The following VPS13B variants were observed in gnomAD, a reference collection of about 807,000 sequenced individuals.
The protein encoded by VPS13B is vacuolar protein sorting 13 homolog B.
VPS13B carries 285 observed loss-of-function variants against 426.4 expected under a neutral mutation model. The observed-to-expected ratio is 0.67, with a 90% CI of 0.61 to 0.74. The LOEUF is 0.74. Among genes scored for constraint, VPS13B ranks in the 30% least tolerant of loss-of-function variants. The probability of loss-of-function intolerance (pLI) is 0.00; values close to 1 mark genes in which losing one functional copy is unlikely to be tolerated. For missense variants in VPS13B, 4,537 were observed against 4,782.6 expected, an observed-to-expected ratio of 0.95 and a Z score of 1.51; for synonymous variants, 1,676 against 1,676.4, an observed-to-expected ratio of 1.00 and a Z score of 0.01.
intron 8 of VPS13B, among the ~76,000 whole-genome samples, chr8:99,127,284 T>C (rs1302427797): frequency 1.3e-5 from 2 of 152,146 alleles, no homozygotes; most frequent in Non-Finnish European, 2.9e-5. Context: ...CATCATGATA[T>C]AGATGCTGAT....
chr8:99,013,415 G>T, intron 1 of VPS13B, 68 bp downstream of exon 1: 1 of 348,992 alleles, frequency 2.9e-6, no homozygotes, highest in Non-Finnish European at 5.5e-6. Flanking sequence ...TGGTTCTATG[G>T]TGGCAGATCC....
chr8:99,507,641 C>T, intron 28 of VPS13B: 1 of 1,399,068 alleles, frequency 7.1e-7, no homozygotes, highest in Non-Finnish European at 9.9e-7. Context: ...GAGGCCATAC[C>T]TAGCGGTTGC....
chr8:99,463,695 A>T (rs980112711), intron 23 of VPS13B, among the ~76,000 whole-genome samples: 1 of 152,004 alleles, frequency 6.6e-6, no homozygotes. Flanking sequence ...TTAACTGTCT[A>T]TTTTATTTTA....
chr8:99,871,172 T>C (rs972290376), intron 60 of VPS13B: 1 of 604,686 alleles, frequency 1.7e-6, no homozygotes, highest in African/African-American at 1.9e-5. Flanking sequence ...AGATTCCCTG[T>C]GGAACCAGCA....
chr8:99,431,541 C>T lies in VPS13B; in HGVS notation c.3087C>T (p.Ser1029=). ...ATTAGCTATTCTCGTACTCAGAATCCCGCCCATTGTCAGTTCCTGTTAAAG... is the reference window on the plus strand; with the variant it reads ...ATTAGCTATTCTCGTACTCAGAATCTCGCCCATTGTCAGTTCCTGTTAAAG... The part of the protein sequence containing the change: ...SPVKTKTVTE[S]RPLSVPVKAM... Residue 1029 remains serine, a synonymous_variant, in exon 22 of 62, where the codon TCC becomes TCT. Coordinates refer to ENST00000357162, the MANE Select transcript of VPS13B (RefSeq NM_152564.5). The T allele has an allele frequency of 6.2e-7, 1 of 1,613,116 alleles. No individual in the cohort carries two copies. The highest frequency in any genetic ancestry group is 8.5e-7 in the Non-Finnish European group (1 of 1,179,640).
intron 3 of VPS13B, among the ~76,000 whole-genome samples, chr8:99,042,821 A>G (rs962935764): frequency 2.6e-5 from 4 of 152,186 alleles, no homozygotes; most frequent in Non-Finnish European, 5.9e-5. Context: ...CTGACAGCCC[A>G]TAGATTTAGG....
intron 28 of VPS13B, chr8:99,507,758 C>T: frequency 6.2e-7 from 1 of 1,613,906 alleles, no homozygotes; most frequent in Non-Finnish European, 8.5e-7. Context: ...TGCTCCTGTC[C>T]ATCACTTCAA....
At chr8:99,794,830 T>C (rs978296467) in intron 43 of VPS13B, among the ~76,000 whole-genome samples, 7 of 151,992 alleles carry the variant, frequency 4.6e-5, no homozygotes, top group African/African-American at 1.5e-4. Flanking sequence ...TTCTCTACTT[T>C]AAGATTTTTC....
intron 17 of VPS13B, among the ~76,000 whole-genome samples, chr8:99,257,885 A>G (rs1258813896): frequency 6.6e-6 from 1 of 151,576 alleles, no homozygotes; most frequent in African/African-American, 2.4e-5. Context: ...TTACTATAAT[A>G]TGACTTTTAC....
intron 21 of VPS13B, among the ~76,000 whole-genome samples, chr8:99,413,837 T>C (rs1291626109): frequency 6.6e-6 from 1 of 152,194 alleles, no homozygotes; most frequent in African/African-American, 2.4e-5. Context: ...GAGGAGTGTT[T>C]TACACCCAGT....
intron 29 of VPS13B, among the ~76,000 whole-genome samples, chr8:99,516,887 A>C (rs1356483726): frequency 6.6e-6 from 1 of 151,908 alleles, no homozygotes. Flanking sequence ...TTTTCAGCAG[A>C]AACTTTATTA....
chr8:99,737,701 T>C (rs183070578), intron 39 of VPS13B, among the ~76,000 whole-genome samples: 2 of 152,368 alleles, frequency 1.3e-5, no homozygotes, highest in Admixed American at 1.3e-4. Flanking sequence ...CCTAGAGTTA[T>C]ACAAATAAGT....
chr8:99,588,845 A>G lies in VPS13B; in HGVS notation c.5220+11212A>G, dbSNP rs909565533. Among the ~76,000 whole-genome samples the G allele has an allele frequency of 2.0e-5, 3 of 151,762 alleles. No individual in the cohort carries two copies. In the East Asian group the frequency reaches 5.8e-4, roughly 29 times the overall value. ...GATTGCCTTGGCCAGAACTTCCAAC[A>G]CTATGTTGAATAGGAGTGGTGAGAG... On this transcript the variant is annotated intron_variant, in intron 33 of 61. Coordinates refer to ENST00000357162, the MANE Select transcript of VPS13B (RefSeq NM_152564.5).
chr8:99,173,009 A>G (rs949110806), intron 16 of VPS13B, among the ~76,000 whole-genome samples: 2 of 152,188 alleles, frequency 1.3e-5, no homozygotes, highest in Non-Finnish European at 2.9e-5. Flanking sequence ...CTTCTCTGAT[A>G]TAATTATTAC....
In VPS13B at chr8:99,699,844, T is replaced by C. The variant is rs769787067; in HGVS notation, c.6366T>C (p.Thr2122=). The C allele has an allele frequency of 5.0e-6, 8 of 1,613,788 alleles. No homozygotes were observed. The highest frequency in any genetic ancestry group is 6.8e-6 in the Non-Finnish European group (8 of 1,179,966). ...CTCAGATTGTGATCTCCATGGAAAC[T>C]GTACCCCATACCAGCAAACCATGCC... ...QTTQIVISME[T]VPHTSKPCLL... The change falls in exon 36 of 62, where the codon ACT becomes ACC. Residue 2122 remains threonine (T), a synonymous_variant. Coordinates refer to ENST00000357162, the MANE Select transcript of VPS13B (RefSeq NM_152564.5).
chr8:99,185,445 A>C (rs1443102754), intron 16 of VPS13B, among the ~76,000 whole-genome samples: 2 of 152,150 alleles, frequency 1.3e-5, no homozygotes, highest in African/African-American at 4.8e-5. Context: ...TAGCTTTTTA[A>C]ACTGTTTTCA....
intron 35 of VPS13B, among the ~76,000 whole-genome samples, chr8:99,690,665 A>T (rs1337567550): frequency 6.6e-6 from 1 of 152,154 alleles, no homozygotes; most frequent in African/African-American, 2.4e-5. Flanking sequence ...ACAATTCAAT[A>T]ATAAAAGGAC....
intron 12 of VPS13B, among the ~76,000 whole-genome samples, chr8:99,137,233 T>C (rs1810117230): frequency 1.3e-5 from 2 of 148,708 alleles, no homozygotes; most frequent in Admixed American, 7.2e-5. Context: ...ATAAATGACG[T>C]TTAAAACATT....
chr8:99,688,666 C>T (rs545344003), intron 35 of VPS13B, among the ~76,000 whole-genome samples: 1 of 152,162 alleles, frequency 6.6e-6, no homozygotes, highest in South Asian at 2.1e-4. Flanking sequence ...ATATTTTCTT[C>T]ATTACATCAT....
Sources: gnomAD v4.1 joint callset for allele counts (sites outside exome capture counted in the v4.1 genomes callset) on GRCh38, gnomAD v4.1.1 for gene constraint, MANE v1.5 for transcripts, NCBI Gene and HGNC (gene_info 2026-07-23, HGNC 2026-07-21) for gene names.